PCNX1: variants seen among roughly 807,000 people sequenced by gnomAD.
PCNX1 encodes pecanex-like protein 1.
Under a neutral mutation model 242.2 loss-of-function variants are expected in PCNX1, and 78 were observed. That is an observed-to-expected ratio of 0.32 (90% CI 0.27 to 0.39). The LOEUF is 0.39. PCNX1 is among the 10% of genes least tolerant of loss of function. The pLI, the probability that PCNX1 is intolerant of heterozygous loss-of-function variation, is 1.00. For missense variants in PCNX1, 2,581 were observed against 2,856.5 expected (o/e 0.90, Z 2.20); for synonymous variants, 1,024 against 1,032.9 (o/e 0.99, Z 0.17).
intron 5 of PCNX1, among the ~76,000 whole-genome samples, chr14:70,974,676 A>G (rs1251146643): frequency 6.6e-6 from 1 of 152,206 alleles, no homozygotes; most frequent in Non-Finnish European, 1.5e-5. Context: ...AGATAAGAAT[A>G]CCTTTTCAAG....
intron 1 of PCNX1, among the ~76,000 whole-genome samples, chr14:70,922,758 CTTTT>C (rs200836942): frequency 0.035 from 4,603 of 132,286 alleles, 192 homozygotes; most frequent in African/African-American, 0.12. Context: ...AGGTCATTAC[CTTTT>C]TTTTTTTTTT....
In PCNX1 at chr14:71,019,574, G is replaced by A. The variant is rs576684916; in HGVS notation, c.3150+412G>A. On this transcript the variant is annotated intron_variant, in intron 12 of 35. Coordinates refer to ENST00000304743, the MANE Select transcript of PCNX1 (RefSeq NM_014982.3). ...ATGCCACCATGGCTGGCTAATTTTC[G>A]TATTTTTAGTAGAGACGGGGTTTCA... Among the ~76,000 whole-genome samples the A allele has an allele frequency of 1.6e-4, 25 of 152,118 alleles. No homozygotes were observed. The South Asian group carries it at 2.1e-3, about 13-fold the overall frequency.
At chr14:71,051,218 C>A (rs1181150790) in intron 23 of PCNX1, among the ~76,000 whole-genome samples, 1 of 144,162 alleles carries the variant, frequency 6.9e-6, no homozygotes, top group Non-Finnish European at 1.5e-5. Context: ...TTTATATCCA[C>A]ACCTATATTG....
chr14:71,027,819 A>G (rs892868333), intron 15 of PCNX1, among the ~76,000 whole-genome samples: 1 of 151,952 alleles, frequency 6.6e-6, no homozygotes, highest in Non-Finnish European at 1.5e-5. Context: ...ATCAATCAGC[A>G]TGGCTTAATG....
intron 1 of PCNX1, among the ~76,000 whole-genome samples, chr14:70,914,995 T>G (rs771712961): frequency 6.6e-6 from 1 of 152,184 alleles, no homozygotes; most frequent in Non-Finnish European, 1.5e-5. Flanking sequence ...GGTTATCCTG[T>G]TCTAGAATTT....
In PCNX1 at chr14:70,977,889, A is replaced by G. The variant is rs756615891; in HGVS notation, c.1552A>G (p.Ser518Gly). Reference protein sequence around the residue: ...GNTAENKEEKSDKSAVSVDSK... With the variant: ...GNTAENKEEKGDKSAVSVDSK... ...CACTGCAGAAAACAAAGAAGAGAAG[A>G]GTGATAAGTCAGCTGTTTCTGTGGA... The change falls in exon 6 of 36, where the codon AGT (serine) becomes GGT (glycine). Residue 518 changes from serine (S) to glycine (G), a missense_variant. Ser to Gly is a moderately conservative substitution (Grantham distance 56, BLOSUM62 0). Transcript: ENST00000304743. 6.2e-7 allele frequency: 1 copy of G among 1,614,100 alleles called. No individual in the cohort carries two copies. Among genetic ancestry groups the G allele is most frequent in the Admixed American group, 1.7e-5 (1 of 60,018 alleles).
In PCNX1 at chr14:71,013,124, A is replaced by G. The variant is rs2059869171; in HGVS notation, c.2918A>G (p.Tyr973Cys). The G allele has an allele frequency of 1.9e-6, 3 of 1,614,096 alleles. No homozygotes were observed. The highest frequency in any genetic ancestry group is 1.3e-5 in the African/African-American group (1 of 75,050). The change falls in exon 11 of 36, where the codon TAT becomes TGT. Residue 973 changes from tyrosine to cysteine, a missense_variant. This residue lies in a region of PCNX1 where 1,204 missense variants were observed against 1,216.7 expected (regional missense o/e 0.99). Transcript: ENST00000304743. ...GAAGCTGCCCAAAAGGTTAAACACT[A>G]TTATCGCTTTTGGATCCTACCCCAG... The part of the protein sequence containing the change: ...TEEAAQKVKH[Y>C]YRFWILPQLW...
At chr14:71,002,889 G>T (rs1349723112) in intron 8 of PCNX1, among the ~76,000 whole-genome samples, 1 of 151,986 alleles carries the variant, frequency 6.6e-6, no homozygotes, top group Admixed American at 6.5e-5. Context: ...ATTTGCTTTT[G>T]TTGGCCTTTA....
At chr14:71,078,114 A>T (rs1050589622) in intron 28 of PCNX1, among the ~76,000 whole-genome samples, 12 of 152,182 alleles carry the variant, frequency 7.9e-5, no homozygotes, top group African/African-American at 2.9e-4. Context: ...AGCTTATTTC[A>T]CTAATCCTGG....
At chr14:70,931,210 A>G (rs546012751) in intron 1 of PCNX1, among the ~76,000 whole-genome samples, 156 of 152,276 alleles carry the variant, frequency 1.0e-3, no homozygotes, top group Non-Finnish European at 2.0e-3. Context: ...GAAAAAGCCA[A>G]AGGGGGTTTT....
In PCNX1 at chr14:71,076,390, A is replaced by G; in HGVS notation, c.5308A>G (p.Ile1770Val). 3 of 1,608,998 alleles carry G rather than the reference A, an allele frequency of 1.9e-6. No homozygotes were observed. The highest frequency in any genetic ancestry group is 2.6e-6 in the Non-Finnish European group (3 of 1,175,454). The change falls in exon 28 of 36, where the codon ATA (isoleucine) becomes GTA (valine). Residue 1770 changes from isoleucine (I) to valine (V), a missense_variant. Around this residue, in one of 9 missense-constraint regions of PCNX1, gnomAD observed 298 missense variants for 480.1 expected, o/e 0.62. Coordinates refer to ENST00000304743, the MANE Select transcript of PCNX1 (RefSeq NM_014982.3). ...TTTCTGTGTGATTTACCTCAACTGGATAGAGTACTGCTCTTCCCGAAGAGC... is the reference window on the plus strand; with the variant it reads ...TTTCTGTGTGATTTACCTCAACTGGGTAGAGTACTGCTCTTCCCGAAGAGC... ...ESFCVIYLNW[I>V]EYCSSRRAKP...
chr14:70,982,925 C>G (rs982982148), intron 6 of PCNX1, among the ~76,000 whole-genome samples: 16 of 152,214 alleles, frequency 1.1e-4, no homozygotes, highest in East Asian at 3.8e-4. Flanking sequence ...CTAGACCTGT[C>G]TCACAGTTAA....
rs116386606 is a variant in PCNX1 at position 71,046,793 on chromosome 14, T to G, written c.4019-171T>G. 7.8e-3 allele frequency: 1,286 copies of G among 163,948 alleles called. 11 individuals are homozygous for G. The highest frequency in any genetic ancestry group is 0.029 in the African/African-American group (1,211 of 41,740). The allele number at this position is 163,948 out of a possible 1,614,324, so 10.2% of individuals were successfully genotyped here. A position where few individuals can be genotyped will look rare whatever the true frequency, so the allele number is the denominator to read the frequency against. ...GTTAAATCATGTCTAAGTTGCAAAT[T>G]TGTAAGTATCTCAGAGCTCATAGAA... On this transcript the variant is annotated intron_variant, in intron 20 of 35. Transcript: ENST00000304743.
intron 23 of PCNX1, among the ~76,000 whole-genome samples, chr14:71,051,265 A>G (rs897010492): frequency 2.0e-5 from 3 of 151,930 alleles, no homozygotes; most frequent in Non-Finnish European, 4.4e-5. Flanking sequence ...TGTGGCCCAC[A>G]GATCATCTGA....
intron 9 of PCNX1, among the ~76,000 whole-genome samples, chr14:71,010,477 A>G (rs1458372677): frequency 6.6e-6 from 1 of 152,066 alleles, no homozygotes; most frequent in African/African-American, 2.4e-5. Context: ...TATTTCTTAA[A>G]ATATGTCTCA....
chr14:71,009,623 T>G lies in PCNX1; in HGVS notation c.2630-11T>G. Reference sequence around the variant, plus strand: ...TCTAATGGCTTTTTAAAATAATCATTTATTTGCTAGGTAAGTTCTCTTCTA... The same window carrying G: ...TCTAATGGCTTTTTAAAATAATCATGTATTTGCTAGGTAAGTTCTCTTCTA... On this transcript the variant is annotated splice_polypyrimidine_tract_variant and intron_variant, in intron 8 of 35. Transcript: ENST00000304743. 6.8e-7 allele frequency: 1 copy of G among 1,473,696 alleles called. No individual in the cohort carries two copies. The highest frequency in any genetic ancestry group is 9.3e-7 in the Non-Finnish European group (1 of 1,075,260). 91.3% of individuals were successfully genotyped at this position (1,473,696 alleles called of 1,614,324 possible).
rs2061156057 is a variant in PCNX1 at position 71,055,422 on chromosome 14, T to A, written c.4578-82T>A. The A allele has an allele frequency of 6.3e-6, 5 of 789,886 alleles. No individual in the cohort carries two copies. In the South Asian group the frequency reaches 8.4e-5, roughly 13 times the overall value. 48.9% of individuals were successfully genotyped at this position (789,886 alleles called of 1,614,324 possible). A position where few individuals can be genotyped will look rare whatever the true frequency, so the allele number is the denominator to read the frequency against. Reference sequence around the variant, plus strand: ...AGTGATAACCTTTATTTTATACATTTCCTATAGTTTCTTCCTCAGTCTAAA... The same window carrying A: ...AGTGATAACCTTTATTTTATACATTACCTATAGTTTCTTCCTCAGTCTAAA... On this transcript the variant is annotated intron_variant, in intron 24 of 35. Coordinates refer to ENST00000304743, the MANE Select transcript of PCNX1 (RefSeq NM_014982.3).
chr14:70,981,110 C>T (rs1329750490), intron 6 of PCNX1, among the ~76,000 whole-genome samples: 3 of 152,090 alleles, frequency 2.0e-5, no homozygotes, highest in Non-Finnish European at 4.4e-5. Flanking sequence ...AAGCTACTTA[C>T]AAACCTCAGC....
chr14:70,925,960 C>T (rs973613584), intron 1 of PCNX1, among the ~76,000 whole-genome samples: 3 of 152,102 alleles, frequency 2.0e-5, no homozygotes, highest in African/African-American at 7.2e-5. Context: ...GAAAGCCTAC[C>T]TGTGATTGAT....
Sources: allele counts gnomAD v4.1 joint callset (sites outside exome capture counted in the v4.1 genomes callset), GRCh38; gene constraint gnomAD v4.1.1; regional missense constraint gnomAD v4.1.1; transcripts MANE v1.5; gene names NCBI Gene and HGNC (gene_info 2026-07-23, HGNC 2026-07-21).